The following ST3GAL2 variants were observed in gnomAD, a reference collection of about 807,000 sequenced individuals.
The protein encoded by ST3GAL2 is ST3 beta-galactoside alpha-2,3-sialyltransferase 2, also known as CMP-N-acetylneuraminate-beta-galactosamide-alpha-2,3-sialyltransferase 2.
ST3GAL2 carries 16 observed loss-of-function variants against 37.5 expected under a neutral mutation model. That is an observed-to-expected ratio of 0.43 (90% CI 0.29 to 0.65). ST3GAL2 has a LOEUF of 0.65. Among genes scored for constraint, ST3GAL2 ranks in the 30% least tolerant of loss-of-function variants. The pLI is 0.17. For missense variants in ST3GAL2, 383 were observed against 487.8 expected (o/e 0.79, Z 2.02); for synonymous variants, 238 against 202.9 (o/e 1.17, Z -1.47).
At position 70,381,593 on chromosome 16, in the gene ST3GAL2, C is replaced by A. The variant is rs2047405324; in HGVS notation, c.*96G>T. 3 of 1,462,660 alleles carry A rather than the reference C, an allele frequency of 2.1e-6. No individual in the cohort carries two copies. The highest frequency in any genetic ancestry group is 2.8e-6 in the Non-Finnish European group (3 of 1,089,220). 90.6% of individuals were successfully genotyped at this position (1,462,660 alleles called of 1,614,324 possible). On this transcript the variant is annotated 3_prime_UTR_variant, in exon 7 of 7. Coordinates refer to ENST00000342907, the MANE Select transcript of ST3GAL2 (RefSeq NM_006927.4). ...GCGGGGCACAGCAGACGCCCCTGGG[C>A]TGCAGCATGATTGGTCGCGGGTTGC... is the stretch of plus-strand genomic sequence containing the variant.
chr16:70,397,312 A>G (rs879872261), intron 2 of ST3GAL2, among the ~76,000 whole-genome samples: 1 of 151,536 alleles, frequency 6.6e-6, no homozygotes, highest in Non-Finnish European at 1.5e-5. Context: ...AAGTGCTGAG[A>G]TTACAGGCGT....
At chr16:70,412,660 T>G (rs867451082) in intron 1 of ST3GAL2, among the ~76,000 whole-genome samples, 3 of 152,332 alleles carry the variant, frequency 2.0e-5, no homozygotes, top group Middle Eastern at 3.4e-3. Flanking sequence ...TATCTGCAGT[T>G]TGGCTGTATT....
intron 4 of ST3GAL2, among the ~76,000 whole-genome samples, chr16:70,386,459 A>G (rs1004783420): frequency 6.6e-6 from 1 of 151,370 alleles, no homozygotes; most frequent in Non-Finnish European, 1.5e-5. Flanking sequence ...TCAAAGTGCT[A>G]GGATTACAGG....
At chr16:70,432,862 G>T (rs1300254243) in intron 1 of ST3GAL2, among the ~76,000 whole-genome samples, 1 of 152,206 alleles carries the variant, frequency 6.6e-6, no homozygotes, top group Non-Finnish European at 1.5e-5. Flanking sequence ...GGAAGGAGGA[G>T]AAGCCCATCC....
intron 1 of ST3GAL2, among the ~76,000 whole-genome samples, chr16:70,435,396 G>C (rs145129984): frequency 0.037 from 5,697 of 152,086 alleles, 387 homozygotes; most frequent in African/African-American, 0.13. Context: ...AGGAGTTTGA[G>C]ACCAGCCTGA....
At chr16:70,434,509 A>G (rs906015981) in intron 1 of ST3GAL2, among the ~76,000 whole-genome samples, 2 of 152,176 alleles carry the variant, frequency 1.3e-5, no homozygotes, top group South Asian at 2.1e-4. Flanking sequence ...TGTTGAGCAC[A>G]TCAAGGAGCA....
At chr16:70,385,204 C>T (rs1468196737) in intron 4 of ST3GAL2, among the ~76,000 whole-genome samples, 1 of 152,086 alleles carries the variant, frequency 6.6e-6, no homozygotes, top group African/African-American at 2.4e-5. Flanking sequence ...ACTCGGGAGG[C>T]TGAGGCAGGA....
At chr16:70,425,026 C>T (rs770831964) in intron 1 of ST3GAL2, among the ~76,000 whole-genome samples, 2 of 152,226 alleles carry the variant, frequency 1.3e-5, no homozygotes, top group South Asian at 2.1e-4. Flanking sequence ...AGATGGTTCC[C>T]CAAAGACCTG....
intron 1 of ST3GAL2, among the ~76,000 whole-genome samples, chr16:70,418,218 T>C (rs2047689051): frequency 6.6e-6 from 1 of 152,180 alleles, no homozygotes; most frequent in South Asian, 2.1e-4. Context: ...CCAAGCCCTT[T>C]TTCCTACGGC....
intron 3 of ST3GAL2, among the ~76,000 whole-genome samples, chr16:70,393,212 G>A (rs2047493493): frequency 6.6e-6 from 1 of 151,866 alleles, no homozygotes; most frequent in Non-Finnish European, 1.5e-5. Flanking sequence ...CGAGTAGCTG[G>A]GATTATAGTT....
intron 1 of ST3GAL2, among the ~76,000 whole-genome samples, chr16:70,410,907 CCT>C (rs2047634161): frequency 6.7e-6 from 1 of 149,078 alleles, no homozygotes; most frequent in Non-Finnish European, 1.5e-5. Flanking sequence ...CCAACAGAAT[CCT>C]GATTTGTTTG....
intron 1 of ST3GAL2, chr16:70,401,058 G>A (rs942383821): frequency 2.0e-5 from 3 of 152,252 alleles, no homozygotes; most frequent in Non-Finnish European, 2.9e-5. Context: ...GACAGAACTC[G>A]AGTTCTTTCA....
In ST3GAL2 at chr16:70,398,621, C is replaced by T; in HGVS notation, c.-91G>A. The T allele has an allele frequency of 7.6e-7, 1 of 1,311,572 alleles. No individual in the cohort carries two copies. The highest frequency in any genetic ancestry group is 1.0e-6 in the Non-Finnish European group (1 of 964,922). The allele number at this position is 1,311,572 out of a possible 1,614,324, so 81.2% of individuals were successfully genotyped here. ...CGGCGTAGCCTGCCTATTCTGGCACCACATGCAAAGGGCATAGGGGCACGT... is the reference window on the plus strand; with the variant it reads ...CGGCGTAGCCTGCCTATTCTGGCACTACATGCAAAGGGCATAGGGGCACGT... On this transcript the variant is annotated 5_prime_UTR_variant, in exon 2 of 7. An upstream open reading frame in the 5' UTR gains an earlier in-frame stop. Transcript: ENST00000342907.
At chr16:70,401,661 C>CA (rs1385290264) in intron 1 of ST3GAL2, among the ~76,000 whole-genome samples, 17 of 152,294 alleles carry the variant, frequency 1.1e-4, no homozygotes, top group African/African-American at 3.8e-4. Context: ...CACAGCTACT[C>CA]AGATCATTTT....
chr16:70,388,066 C>T (rs531066133), intron 4 of ST3GAL2, among the ~76,000 whole-genome samples: 21 of 151,220 alleles, frequency 1.4e-4, no homozygotes, highest in South Asian at 8.4e-4. Context: ...GAGCCAAGAT[C>T]GCGCCATTGC....
intron 4 of ST3GAL2, among the ~76,000 whole-genome samples, chr16:70,386,354 AT>A (rs947752535): frequency 1.3e-5 from 2 of 151,384 alleles, no homozygotes; most frequent in African/African-American, 4.9e-5. Context: ...CGGCCGGCTA[AT>A]TTTTTTTTAT....
chr16:70,383,054 T>C (rs142054071), intron 5 of ST3GAL2, 130 bp from the exon 6 acceptor site: 46,277 of 1,582,026 alleles, frequency 0.029, 821 homozygotes, highest in Non-Finnish European at 0.034. Context: ...GTGTGGCACC[T>C]GCTAGGGTCA....
At chr16:70,385,319 A>C (rs1019825719) in intron 4 of ST3GAL2, among the ~76,000 whole-genome samples, 1 of 152,062 alleles carries the variant, frequency 6.6e-6, no homozygotes, top group Non-Finnish European at 1.5e-5. Flanking sequence ...ACAAACAAAC[A>C]AACAAAAAAG....
At chr16:70,423,247 G>A (rs1300189928) in intron 1 of ST3GAL2, among the ~76,000 whole-genome samples, 8 of 152,206 alleles carry the variant, frequency 5.3e-5, no homozygotes, top group South Asian at 2.1e-4. Context: ...GGTGGCTCAC[G>A]CCTGTAATCC....
Sources: gnomAD v4.1 joint callset for allele counts (sites outside exome capture counted in the v4.1 genomes callset) on GRCh38, gnomAD v4.1.1 for gene constraint, MANE v1.5 for transcripts, NCBI Gene and HGNC (gene_info 2026-07-23, HGNC 2026-07-21) for gene names.